The following C16orf74 variants were observed in gnomAD, a reference collection of about 807,000 sequenced individuals.
C16orf74 encodes the protein calcimembrin, also known as uncharacterized protein C16orf74.
C16orf74 carries 10 observed loss-of-function variants against 6.5 expected under a neutral mutation model. The observed-to-expected ratio is 1.54, with a 90% CI of 0.95 to 2.61. The LOEUF is 2.61. C16orf74 is among the 30% of genes most tolerant of loss of function. The pLI is 0.00. For missense variants in C16orf74, 141 were observed against 105.9 expected (o/e 1.33, Z -1.45); for synonymous variants, 60 against 42.5 (o/e 1.41, Z -1.60).
At chr16:85,723,507 G>A (rs1020646191) in intron 2 of C16orf74, among the ~76,000 whole-genome samples, 1 of 152,162 alleles carries the variant, frequency 6.6e-6, no homozygotes, top group South Asian at 2.1e-4. Flanking sequence ...AAACGGGAAA[G>A]CTGTTAACGC....
At chr16:85,719,191 C>G (rs2054054492) in intron 2 of C16orf74, among the ~76,000 whole-genome samples, 1 of 152,244 alleles carries the variant, frequency 6.6e-6, no homozygotes, top group African/African-American at 2.4e-5. Flanking sequence ...GGCCAGTCAA[C>G]AGGCATTTAT....
At chr16:85,740,516 C>A (rs1449871118) in intron 1 of C16orf74, among the ~76,000 whole-genome samples, 1 of 151,924 alleles carries the variant, frequency 6.6e-6, no homozygotes, top group Non-Finnish European at 1.5e-5. Context: ...TCCTGGCTAT[C>A]ACGGTGAAAC....
intron 1 of C16orf74, among the ~76,000 whole-genome samples, chr16:85,748,784 G>A (rs1411826200): frequency 1.3e-5 from 2 of 152,070 alleles, no homozygotes; most frequent in African/African-American, 4.8e-5. Flanking sequence ...GGTCTGCGGG[G>A]TCTCAATTTC....
chr16:85,727,921 A>G (rs2054150250), intron 2 of C16orf74, among the ~76,000 whole-genome samples: 1 of 149,676 alleles, frequency 6.7e-6, no homozygotes, highest in South Asian at 2.1e-4. Context: ...TGAAGCCAAG[A>G]CTTTAAGACT....
chr16:85,730,636 C>G (rs1390507080), intron 2 of C16orf74, among the ~76,000 whole-genome samples: 3 of 144,398 alleles, frequency 2.1e-5, no homozygotes, highest in African/African-American at 7.8e-5. Flanking sequence ...CCAAGTAACC[C>G]CAGTCCAGCC....
intron 2 of C16orf74, among the ~76,000 whole-genome samples, chr16:85,722,657 G>C (rs965216336): frequency 6.6e-6 from 1 of 151,982 alleles, no homozygotes; most frequent in Non-Finnish European, 1.5e-5. Context: ...CCTGGACTCC[G>C]ACAGCAGCAA....
At chr16:85,711,141 C>G (rs976826181) in intron 2 of C16orf74, among the ~76,000 whole-genome samples, 2 of 151,796 alleles carry the variant, frequency 1.3e-5, no homozygotes, top group Non-Finnish European at 2.9e-5. Flanking sequence ...TGGTGAAACC[C>G]CCATCTCTAC....
chr16:85,730,203 C>G (rs1324582037), intron 2 of C16orf74, among the ~76,000 whole-genome samples: 2 of 152,130 alleles, frequency 1.3e-5, no homozygotes, highest in South Asian at 2.1e-4. Flanking sequence ...CTGTGACCCT[C>G]ACACTCTGCT....
intron 2 of C16orf74, among the ~76,000 whole-genome samples, chr16:85,712,815 C>A (rs1277349223): frequency 6.6e-6 from 1 of 152,204 alleles, no homozygotes; most frequent in Admixed American, 6.5e-5. Context: ...GAGGTGCTCT[C>A]TAAGCCCTTG....
intron 2 of C16orf74, among the ~76,000 whole-genome samples, chr16:85,729,696 T>A (rs1047467324): frequency 6.6e-6 from 1 of 152,144 alleles, no homozygotes; most frequent in Non-Finnish European, 1.5e-5. Context: ...CTAAATCCAA[T>A]GCCTGGTGTC....
intron 1 of C16orf74, among the ~76,000 whole-genome samples, chr16:85,740,217 A>AAAG (rs2054288971): frequency 6.7e-6 from 1 of 149,354 alleles, no homozygotes; most frequent in Non-Finnish European, 1.5e-5. Context: ...GTCTCAAAAA[A>AAAG]AAAAAAAAAA....
At chr16:85,745,734 G>C (rs572587472) in intron 1 of C16orf74, among the ~76,000 whole-genome samples, 31 of 148,522 alleles carry the variant, frequency 2.1e-4, no homozygotes, top group African/African-American at 7.0e-4. Flanking sequence ...CGCTGACTGA[G>C]GGACCCTGCT....
chr16:85,748,035 G>T (rs535448212), intron 1 of C16orf74, among the ~76,000 whole-genome samples: 3 of 151,282 alleles, frequency 2.0e-5, no homozygotes, highest in Admixed American at 2.0e-4. Flanking sequence ...GCAGTGAGCT[G>T]GTATTGCACC....
intron 2 of C16orf74, among the ~76,000 whole-genome samples, chr16:85,729,076 G>A (rs574231175): frequency 6.6e-6 from 1 of 152,146 alleles, no homozygotes; most frequent in Non-Finnish European, 1.5e-5. Flanking sequence ...TGGCTGTGCC[G>A]CCCTGCTGGA....
intron 2 of C16orf74, among the ~76,000 whole-genome samples, chr16:85,716,469 A>AGGGAGGAGGAGAGAG (rs2054024995): frequency 8.3e-6 from 1 of 120,282 alleles, no homozygotes; most frequent in Non-Finnish European, 1.7e-5. Context: ...AGGGAGAGGA[A>AGGGAGGAGGAGAGAG]GGGAGGAGGA....
In C16orf74 at chr16:85,715,322, C is replaced by A. The variant is rs186659490; in HGVS notation, c.29-5015G>T. ...CCCAGACAATCTACTGGGGCCGAGG[C>A]GTGCGCTCCTTCAGGCTCCATGGCC... On this transcript the variant is annotated intron_variant, in intron 2 of 3. Coordinates refer to ENST00000284245, the MANE Select transcript of C16orf74 (RefSeq NM_206967.3). Among the ~76,000 whole-genome samples, 400 of 152,276 alleles carry A rather than the reference C, an allele frequency of 2.6e-3. 4 individuals carry two copies. Among genetic ancestry groups the A allele is most frequent in the African/African-American group, 9.3e-3 (385 of 41,550 alleles).
intron 1 of C16orf74, chr16:85,741,500 G>A (rs2054307669): frequency 6.2e-6 from 1 of 162,498 alleles, no homozygotes; most frequent in Non-Finnish European, 1.5e-5. Flanking sequence ...TGAGGGTCAG[G>A]CAGGTGCAGC....
At chr16:85,730,826 C>T (rs1598797265) in intron 2 of C16orf74, among the ~76,000 whole-genome samples, 3 of 120,582 alleles carry the variant, frequency 2.5e-5, no homozygotes, top group Non-Finnish European at 3.4e-5. Flanking sequence ...TACGAGACAA[C>T]CCCCCAAGAC....
intron 2 of C16orf74, among the ~76,000 whole-genome samples, chr16:85,712,085 T>C (rs1459841005): frequency 6.6e-6 from 1 of 152,198 alleles, no homozygotes; most frequent in African/African-American, 2.4e-5. Flanking sequence ...CCAGCCACCA[T>C]GTTACGAGGA....
Sources: allele counts gnomAD v4.1 joint callset (sites outside exome capture counted in the v4.1 genomes callset), GRCh38; gene constraint gnomAD v4.1.1; transcripts MANE v1.5; gene names NCBI Gene and HGNC (gene_info 2026-07-23, HGNC 2026-07-21).